The following SEMA3A variants were observed in gnomAD, a reference collection of about 807,000 sequenced individuals.
SEMA3A encodes the protein semaphorin-3A.
SEMA3A carries 29 observed loss-of-function variants against 97.9 expected under a neutral mutation model. That is an observed-to-expected ratio of 0.30 (90% CI 0.22 to 0.40). The LOEUF is 0.40. Among genes scored for constraint, SEMA3A ranks in the 10% least tolerant of loss-of-function variants. The pLI is 1.00. For synonymous variants in SEMA3A, 321 were observed against 323.7 expected (o/e 0.99, Z 0.09); for missense variants, 763 against 951.3 (o/e 0.80, Z 2.60).
At chr7:84,028,881 A>C (rs1791640736) in intron 6 of SEMA3A, among the ~76,000 whole-genome samples, 1 of 152,144 alleles carries the variant, frequency 6.6e-6, no homozygotes, top group Non-Finnish European at 1.5e-5. Context: ...GGCCTCCCAA[A>C]GTGCTGGGAT....
At chr7:84,101,287 C>T (rs138047904) in intron 4 of SEMA3A, among the ~76,000 whole-genome samples, 1 of 151,982 alleles carries the variant, frequency 6.6e-6, no homozygotes, top group Middle Eastern at 3.2e-3. Context: ...GAGGGGGTTC[C>T]ATAACTTTGG....
chr7:84,223,048 G>A (rs1039275975), intron 3 of SEMA3A, among the ~76,000 whole-genome samples: 6 of 151,836 alleles, frequency 4.0e-5, no homozygotes, highest in African/African-American at 9.7e-5. Flanking sequence ...TTGTATAGCA[G>A]GTTCCTTTGG....
intron 9 of SEMA3A, among the ~76,000 whole-genome samples, chr7:84,008,083 A>T (rs1790737133): frequency 6.6e-6 from 1 of 152,216 alleles, no homozygotes; most frequent in Non-Finnish European, 1.5e-5. Flanking sequence ...TAGCTATTTC[A>T]CTCAGTTAAA....
intron 3 of SEMA3A, among the ~76,000 whole-genome samples, chr7:84,234,018 A>G (rs749745706): frequency 6.6e-6 from 1 of 152,048 alleles, no homozygotes; most frequent in Non-Finnish European, 1.5e-5. Context: ...TAGAACCACA[A>G]TTAGTCCTAT....
At chr7:84,106,275 G>A (rs753768183) in intron 4 of SEMA3A, among the ~76,000 whole-genome samples, 3 of 152,136 alleles carry the variant, frequency 2.0e-5, no homozygotes, top group Non-Finnish European at 4.4e-5. Flanking sequence ...CCATTGGAAA[G>A]CCTTGTCTCT....
At chr7:84,203,526 A>ATATATATATATTT (rs372380784) in intron 3 of SEMA3A, among the ~76,000 whole-genome samples, 4 of 25,672 alleles carry the variant, frequency 1.6e-4, no homozygotes, top group African/African-American at 1.3e-4. Flanking sequence ...ATATATATAT[A>ATATATATATATTT]TTTTTTTTTT....
At chr7:84,082,722 T>G (rs941884429) in intron 4 of SEMA3A, among the ~76,000 whole-genome samples, 1 of 152,080 alleles carries the variant, frequency 6.6e-6, no homozygotes, top group Admixed American at 6.6e-5. Flanking sequence ...TCAAAGATGC[T>G]ATTAGCTTTT....
intron 3 of SEMA3A, among the ~76,000 whole-genome samples, chr7:84,275,020 G>A (rs1445605084): frequency 6.6e-6 from 1 of 151,920 alleles, no homozygotes; most frequent in African/African-American, 2.4e-5. Flanking sequence ...TTTACTACAA[G>A]TTTCACTCTG....
chr7:84,397,172 G>A (rs1032464392), intron 1 of SEMA3A, among the ~76,000 whole-genome samples: 1 of 151,872 alleles, frequency 6.6e-6, no homozygotes, highest in African/African-American at 2.4e-5. Flanking sequence ...GTATGCTTAT[G>A]ATATCAAATA....
intron 4 of SEMA3A, among the ~76,000 whole-genome samples, chr7:84,081,641 A>C (rs528409009): frequency 6.6e-6 from 1 of 151,942 alleles, no homozygotes; most frequent in African/African-American, 2.4e-5. Flanking sequence ...ATGTGTTATC[A>C]ATGTCGATGA....
chr7:84,294,043 G>A lies in SEMA3A; in HGVS notation c.-83+13164C>T, dbSNP rs749433784. Among the ~76,000 whole-genome samples the A allele has an allele frequency of 5.9e-5, 9 of 151,904 alleles. No individual in the cohort carries two copies. In the East Asian group the frequency reaches 9.6e-4, roughly 16 times the overall value. On this transcript the variant is annotated intron_variant, in intron 3 of 3. Coordinates refer to the SEMA3A transcript ENST00000424555. ...GGATCTGACAAACACTTTCAATCAA[G>A]GTAAAATATTCAATAATATGGATCA...
chr7:84,295,495 G>T (rs1800846377), intron 3 of SEMA3A, among the ~76,000 whole-genome samples: 1 of 152,014 alleles, frequency 6.6e-6, no homozygotes, highest in African/African-American at 2.4e-5. Context: ...GTCTTCGCAG[G>T]TCTCAAAATT....
chr7:84,491,851 T>A (rs1393376134), intron 1 of SEMA3A, among the ~76,000 whole-genome samples: 3 of 152,184 alleles, frequency 2.0e-5, no homozygotes, highest in Non-Finnish European at 4.4e-5. Flanking sequence ...TCTTATGTTA[T>A]TAGACAAATG....
chr7:84,095,358 C>CACACATAT (rs1211794166), intron 4 of SEMA3A, among the ~76,000 whole-genome samples: 9 of 122,886 alleles, frequency 7.3e-5, no homozygotes, highest in African/African-American at 3.1e-4. Flanking sequence ...TTTTTATATA[C>CACACATAT]ATATATATAT....
intron 1 of SEMA3A, among the ~76,000 whole-genome samples, chr7:84,426,271 T>TATAG (rs199680762): frequency 0.11 from 15,162 of 139,892 alleles, 892 homozygotes; most frequent in East Asian, 0.31. Context: ...GATATAGATA[T>TATAG]ATAGACAGAT....
At chr7:84,227,703 A>G (rs781216691) in intron 3 of SEMA3A, among the ~76,000 whole-genome samples, 22 of 152,012 alleles carry the variant, frequency 1.4e-4, no homozygotes, top group African/African-American at 1.9e-4. Flanking sequence ...TTTCTTTACT[A>G]TGTAGGACCA....
chr7:84,148,857 GT>G (rs1315588664), intron 1 of SEMA3A, among the ~76,000 whole-genome samples: 1 of 152,088 alleles, frequency 6.6e-6, no homozygotes, highest in Non-Finnish European at 1.5e-5. Flanking sequence ...TCTTAATAGT[GT>G]TTTCCTTTCT....
chr7:84,030,794 A>G (rs958226203), intron 6 of SEMA3A, among the ~76,000 whole-genome samples: 1 of 152,174 alleles, frequency 6.6e-6, no homozygotes, highest in African/African-American at 2.4e-5. Flanking sequence ...TAGCTAACAT[A>G]TTTAAATTGA....
chr7:84,365,527 C>T (rs1250382151), intron 2 of SEMA3A, among the ~76,000 whole-genome samples: 1 of 151,546 alleles, frequency 6.6e-6, no homozygotes, highest in Non-Finnish European at 1.5e-5. Context: ...GAGTTCTTCA[C>T]TTTTGCGAAG....
Sources: gnomAD v4.1 joint callset for allele counts (sites outside exome capture counted in the v4.1 genomes callset) on GRCh38, gnomAD v4.1.1 for gene constraint, MANE v1.5 for transcripts, NCBI Gene and HGNC (gene_info 2026-07-23, HGNC 2026-07-21) for gene names.